SPAG16: variants seen among roughly 807,000 people sequenced by gnomAD.
SPAG16 encodes the protein sperm associated antigen 16.
A neutral mutation model predicts 80.4 loss-of-function variants in SPAG16; 86 were observed. The ratio of observed to expected loss-of-function variants is 1.07; its 90% CI spans 0.90 to 1.28. SPAG16 has a LOEUF of 1.28. Ranked by LOEUF, SPAG16 falls within the 50% of genes most tolerant of loss-of-function variation. The pLI, the probability that SPAG16 is intolerant of heterozygous loss-of-function variation, is 0.00. For synonymous variants in SPAG16, 294 were observed against 265.9 expected, an observed-to-expected ratio of 1.11 and a Z score of -1.03; for missense variants, 870 against 765.3, an observed-to-expected ratio of 1.14 and a Z score of -1.61.
Position 213,296,062 on chromosome 2 carries a change from A to G in SPAG16, c.137-2A>G. ...GAGATTAAAACTTGACAAGATATTC[A>G]GAGGTCACCATAACTGAAGCATCTG... On this transcript the variant is annotated splice_acceptor_variant, in intron 1 of 15. Coordinates refer to ENST00000331683, the MANE Select transcript of SPAG16 (RefSeq NM_024532.5). LOFTEE classifies it high-confidence loss of function. 6.2e-7 allele frequency: 1 copy of G among 1,609,022 alleles called. No homozygotes were observed. Among genetic ancestry groups the G allele is most frequent in the Non-Finnish European group, 8.5e-7 (1 of 1,176,188 alleles).
chr2:213,994,982 G>T (rs556513762), intron 12 of SPAG16, among the ~76,000 whole-genome samples: 1 of 152,174 alleles, frequency 6.6e-6, no homozygotes, highest in South Asian at 2.1e-4. Flanking sequence ...ATAAAGAAAA[G>T]ATTTAATTAT....
At chr2:213,366,474 C>A (rs1289593236) in intron 8 of SPAG16, among the ~76,000 whole-genome samples, 2 of 151,882 alleles carry the variant, frequency 1.3e-5, no homozygotes, top group South Asian at 4.2e-4. Flanking sequence ...GGAGGCCTCA[C>A]AATAATGGTG....
chr2:213,939,984 T>C (rs1472589501), intron 12 of SPAG16, among the ~76,000 whole-genome samples: 1 of 152,156 alleles, frequency 6.6e-6, no homozygotes, highest in Non-Finnish European at 1.5e-5. Flanking sequence ...ATAGTTGTTT[T>C]TCATATTTCG....
At chr2:214,137,235 A>G (rs932374567) in intron 14 of SPAG16, among the ~76,000 whole-genome samples, 12 of 152,152 alleles carry the variant, frequency 7.9e-5, no homozygotes, top group African/African-American at 2.7e-4. Context: ...CTTTGTGTAT[A>G]CATACAACAT....
chr2:214,096,433 G>A (rs913631174), intron 13 of SPAG16, among the ~76,000 whole-genome samples: 5 of 151,946 alleles, frequency 3.3e-5, no homozygotes, highest in Non-Finnish European at 7.4e-5. Context: ...TCCCCAGAGG[G>A]TTTGCTGCTT....
intron 9 of SPAG16, among the ~76,000 whole-genome samples, chr2:213,460,762 C>T (rs1037750641): frequency 2.6e-5 from 4 of 152,044 alleles, no homozygotes; most frequent in South Asian, 2.1e-4. Flanking sequence ...CATAATGCTA[C>T]GGTTGGTCAT....
chr2:214,252,909 A>AC lies in SPAG16; in HGVS notation c.1720+103645dup, dbSNP rs533905653. On this transcript the variant is annotated intron_variant, in intron 15 of 15. Coordinates refer to ENST00000331683, the MANE Select transcript of SPAG16 (RefSeq NM_024532.5). ...AATGGTTGAACGAGTTTACAGTCCC[A>AC]CCAACAGTGTAAAATTGTTCCTATT... 1.6e-4 allele frequency among the ~76,000 whole-genome samples: 25 copies of AC among 152,256 alleles called. No homozygotes were observed. The East Asian group carries it at 4.6e-3, about 28-fold the overall frequency.
At chr2:213,514,316 T>C (rs975950900) in intron 10 of SPAG16, among the ~76,000 whole-genome samples, 1 of 152,136 alleles carries the variant, frequency 6.6e-6, no homozygotes, top group African/African-American at 2.4e-5. Context: ...CCTAAATAAA[T>C]GTTGCATTCT....
intron 12 of SPAG16, among the ~76,000 whole-genome samples, chr2:213,977,071 C>T (rs2045448993): frequency 1.3e-5 from 2 of 151,950 alleles, no homozygotes; most frequent in African/African-American, 2.4e-5. Context: ...AAGTGATATG[C>T]CCTCTCTTTT....
intron 15 of SPAG16, chr2:214,280,716 C>G (rs1201007069): frequency 1.1e-5 from 4 of 367,932 alleles, no homozygotes; most frequent in Non-Finnish European, 2.1e-5. Context: ...GAGCAAGGGA[C>G]ATTTTGGGAT....
chr2:213,533,907 G>C (rs1052044368), intron 10 of SPAG16, among the ~76,000 whole-genome samples: 1 of 151,940 alleles, frequency 6.6e-6, no homozygotes, highest in African/African-American at 2.4e-5. Context: ...GCTTAATTTT[G>C]AATGACATTA....
At chr2:213,662,391 C>T (rs1049214080) in intron 10 of SPAG16, among the ~76,000 whole-genome samples, 28 of 152,206 alleles carry the variant, frequency 1.8e-4, no homozygotes, top group Admixed American at 4.6e-4. Context: ...GTGGAAAAAA[C>T]GAAAGGCAAT....
intron 12 of SPAG16, among the ~76,000 whole-genome samples, chr2:213,944,980 A>G (rs1244963937): frequency 6.6e-6 from 1 of 152,018 alleles, no homozygotes; most frequent in Admixed American, 6.6e-5. Context: ...GGATGTTGCA[A>G]TGAGCCAAGA....
At chr2:214,407,692 A>G (rs1702070782) in intron 15 of SPAG16, among the ~76,000 whole-genome samples, 1 of 152,124 alleles carries the variant, frequency 6.6e-6, no homozygotes, top group Admixed American at 6.5e-5. Context: ...TAATGAGACT[A>G]TGGCATTTTT....
intron 12 of SPAG16, among the ~76,000 whole-genome samples, chr2:213,960,108 A>G (rs2044338106): frequency 6.6e-6 from 1 of 152,100 alleles, no homozygotes; most frequent in Non-Finnish European, 1.5e-5. Flanking sequence ...TATAATTTCC[A>G]ATACCCTATC....
At chr2:213,471,968 A>C (rs1039889880) in intron 9 of SPAG16, among the ~76,000 whole-genome samples, 1 of 152,164 alleles carries the variant, frequency 6.6e-6, no homozygotes, top group Non-Finnish European at 1.5e-5. Flanking sequence ...AAGTTCCCTA[A>C]ATTTTAGTCA....
At chr2:213,906,195 A>G (rs2077425971) in intron 11 of SPAG16, among the ~76,000 whole-genome samples, 2 of 147,274 alleles carry the variant, frequency 1.4e-5, no homozygotes, top group Non-Finnish European at 3.0e-5. Context: ...TGTCCACCTC[A>G]GCAGCCTTTC....
intron 10 of SPAG16, among the ~76,000 whole-genome samples, chr2:213,608,009 A>C (rs189364246): frequency 6.6e-6 from 1 of 151,990 alleles, no homozygotes; most frequent in Admixed American, 6.6e-5. Flanking sequence ...GTGAAGTATA[A>C]TTTTTTTTAT....
At chr2:213,309,649 G>A (rs1452947109) in intron 3 of SPAG16, among the ~76,000 whole-genome samples, 1 of 151,904 alleles carries the variant, frequency 6.6e-6, no homozygotes, top group Non-Finnish European at 1.5e-5. Flanking sequence ...CTGCCTCTTT[G>A]TCTAGATTTA....
Sources: gnomAD v4.1 joint callset for allele counts (sites outside exome capture counted in the v4.1 genomes callset) on GRCh38, gnomAD v4.1.1 for gene constraint, MANE v1.5 for transcripts, NCBI Gene and HGNC (gene_info 2026-07-23, HGNC 2026-07-21) for gene names.